HIVEP3: variants seen among roughly 807,000 people sequenced by gnomAD.
HIVEP3 encodes the protein HIVEP zinc finger 3.
A neutral mutation model predicts 152.8 loss-of-function variants in HIVEP3; 49 were observed. The observed-to-expected ratio is 0.32, with a 90% CI of 0.26 to 0.41. HIVEP3 has a LOEUF of 0.41. Ranked by LOEUF, HIVEP3 falls within the 10% of genes least tolerant of loss-of-function variation. HIVEP3 has a pLI of 1.00. For missense variants in HIVEP3, 2,790 were observed against 3,103.3 expected (o/e 0.90, Z 2.40); for synonymous variants, 1,269 against 1,289.0 (o/e 0.98, Z 0.33).
At position 41,513,072 on chromosome 1, in the gene HIVEP3, T is replaced by G. The variant is rs1307682049; in HGVS notation, c.6149A>C (p.His2050Pro). ...GGTACCCTCGAGTTTGGAGAGCACA[T>G]GTGCTCGAGGGGCCAGTTCTCTTCC... ...PLGRELAPRA[H>P]VLSKLEGTTD... is the part of the protein sequence containing the mutation. Residue 2050 changes from histidine (H) to proline (P), a missense_variant, in exon 8 of 9, where the codon CAT (histidine) becomes CCT (proline). His to Pro is a moderately conservative substitution (Grantham distance 77). Around this residue, in one of 9 missense-constraint regions of HIVEP3, gnomAD observed 816 missense variants for 806.5 expected, o/e 1.01. Coordinates refer to ENST00000372583, the MANE Select transcript of HIVEP3 (RefSeq NM_024503.5). 1 of 1,613,832 alleles carries G rather than the reference T, an allele frequency of 6.2e-7. No individual in the cohort carries two copies. The highest frequency in any genetic ancestry group is 8.5e-7 in the Non-Finnish European group (1 of 1,179,992).
intron 1 of HIVEP3, among the ~76,000 whole-genome samples, chr1:41,976,843 G>A (rs1334479100): frequency 2.0e-5 from 3 of 152,164 alleles, no homozygotes; most frequent in South Asian, 2.1e-4. Context: ...CGAGGAATCC[G>A]CAGAAGCTGG....
intron 1 of HIVEP3, among the ~76,000 whole-genome samples, chr1:41,773,911 T>C (rs2124270308): frequency 6.6e-6 from 1 of 152,340 alleles, no homozygotes; most frequent in Non-Finnish European, 1.5e-5. Flanking sequence ...AGGACAAGTC[T>C]TTGTGAATGA....
At chr1:41,529,777 T>A (rs1643184245) in intron 5 of HIVEP3, among the ~76,000 whole-genome samples, 2 of 132,384 alleles carry the variant, frequency 1.5e-5, no homozygotes, top group South Asian at 2.6e-4. Flanking sequence ...CACTTCCACA[T>A]CCCCACACAC....
At chr1:41,953,633 G>A (rs975922572) in intron 1 of HIVEP3, among the ~76,000 whole-genome samples, 1 of 152,244 alleles carries the variant, frequency 6.6e-6, no homozygotes, top group South Asian at 2.1e-4. Context: ...AAATGTCTGA[G>A]AAATGAATGA....
At chr1:41,890,144 TA>T (rs2124439850) in intron 1 of HIVEP3, among the ~76,000 whole-genome samples, 1 of 152,330 alleles carries the variant, frequency 6.6e-6, no homozygotes, top group East Asian at 1.9e-4. Flanking sequence ...TGATAGTCCC[TA>T]CCTCATGGGT....
intron 1 of HIVEP3, among the ~76,000 whole-genome samples, chr1:41,984,774 A>G (rs1645312418): frequency 6.6e-6 from 1 of 152,212 alleles, no homozygotes; most frequent in Admixed American, 6.5e-5. Flanking sequence ...GGTAACTCTG[A>G]GACATCATTT....
intron 1 of HIVEP3, among the ~76,000 whole-genome samples, chr1:41,762,326 G>A (rs1647744208): frequency 6.6e-6 from 1 of 152,178 alleles, no homozygotes; most frequent in Non-Finnish European, 1.5e-5. Context: ...TGTGGGACAA[G>A]AACTTGGGAC....
chr1:41,969,143 T>C (rs541433394), intron 1 of HIVEP3, among the ~76,000 whole-genome samples: 2 of 152,260 alleles, frequency 1.3e-5, no homozygotes, highest in East Asian at 1.9e-4. Context: ...CCCAAAGTAA[T>C]TTACAGATTC....
At chr1:41,857,586 A>G (rs1345088514) in intron 1 of HIVEP3, among the ~76,000 whole-genome samples, 2 of 152,210 alleles carry the variant, frequency 1.3e-5, no homozygotes, top group Non-Finnish European at 2.9e-5. Context: ...TTTTCTCCTT[A>G]AACAGAGGAA....
rs1199313999 is a variant in HIVEP3, at chr1:41,581,258, T to C, written c.3540A>G (p.Pro1180=). 4 of 1,591,154 alleles carry C rather than the reference T, an allele frequency of 2.5e-6. No individual in the cohort carries two copies. The highest frequency in any genetic ancestry group is 1.1e-5 in the South Asian group (1 of 87,124). Residue 1180 remains proline, a synonymous_variant, in exon 4 of 9, where the codon CCA becomes CCG. Coordinates refer to ENST00000372583, the MANE Select transcript of HIVEP3 (RefSeq NM_024503.5). This position sits in a 1 kb window ranked among gnomAD's most constrained non-coding sequence, Gnocchi z 4.5. The part of the protein sequence containing the change: ...SLLSSPYSMP[P]LPPSLFQAPP... The stretch of plus-strand genomic sequence containing the variant: ...GGGCTTGAAATAAGGAGGGAGGAAG[T>C]GGGGGCATGGAGTATGGTGAGGACA...
rs867633419 is a variant in HIVEP3 at position 41,867,391 on chromosome 1, A to G, written c.-801+51022T>C. 2.6e-5 allele frequency among the ~76,000 whole-genome samples: 4 copies of G among 152,180 alleles called. No homozygotes were observed. The South Asian group carries it at 6.2e-4, about 24-fold the overall frequency. On this transcript the variant is annotated intron_variant, in intron 1 of 8. Transcript: ENST00000372583. Reference sequence around the variant, plus strand: ...CATCCTTAGTTTGAGGTGCCATATAAAAACAGGCGGCAGGCAAATTTGGCT... The same window carrying G: ...CATCCTTAGTTTGAGGTGCCATATAGAAACAGGCGGCAGGCAAATTTGGCT...
intron 3 of HIVEP3, among the ~76,000 whole-genome samples, chr1:41,616,861 T>A (rs146063709): frequency 6.6e-6 from 1 of 152,238 alleles, no homozygotes; most frequent in African/African-American, 2.4e-5. Flanking sequence ...TGAGCAGTTA[T>A]CCTGTACCAG....
At chr1:41,561,114 C>A (rs568979538) in intron 5 of HIVEP3, among the ~76,000 whole-genome samples, 2 of 152,182 alleles carry the variant, frequency 1.3e-5, no homozygotes, top group African/African-American at 4.8e-5. Context: ...GTTTCCAGAG[C>A]TGGAAAGACC....
In HIVEP3 at chr1:41,544,877, T is replaced by TATC. The variant is rs1329869216; in HGVS notation, c.5208-19968_5208-19967insGAT. ...CCACCACCACCACCACCACCACCAC[T>TATC]ACCACCTCTACCACCACCATCACCA... On this transcript the variant is annotated intron_variant, in intron 5 of 8. Coordinates refer to ENST00000372583, the MANE Select transcript of HIVEP3 (RefSeq NM_024503.5). Among the ~76,000 whole-genome samples, 2 of 4,034 alleles carry TATC rather than the reference T, an allele frequency of 5.0e-4. 1 individual carries two copies. Among genetic ancestry groups the TATC allele is most frequent in the African/African-American group, 3.9e-3 (2 of 512 alleles). 2.6% of individuals were successfully genotyped at this position (4,034 alleles called of 152,430 possible). A position where few individuals can be genotyped will look rare whatever the true frequency, so the allele number is the denominator to read the frequency against.
At chr1:41,623,795 C>A (rs1158822722) in intron 3 of HIVEP3, among the ~76,000 whole-genome samples, 1 of 152,242 alleles carries the variant, frequency 6.6e-6, no homozygotes. Context: ...CTGTGCCAGC[C>A]CTGGTTTGGC....
chr1:41,718,343 G>A (rs571710075), intron 1 of HIVEP3, among the ~76,000 whole-genome samples: 1 of 152,342 alleles, frequency 6.6e-6, no homozygotes, highest in Admixed American at 6.5e-5. Flanking sequence ...CTATGTCGTG[G>A]AATCTTTCTA....
intron 5 of HIVEP3, among the ~76,000 whole-genome samples, chr1:41,538,708 C>T (rs607586): frequency 0.27 from 41,465 of 152,064 alleles, 7,098 homozygotes; most frequent in Non-Finnish European, 0.39. Context: ...GGCACCAAGC[C>T]TGGGCTGAAG....
At chr1:41,802,278 C>T (rs1223148302) in intron 1 of HIVEP3, among the ~76,000 whole-genome samples, 1 of 152,156 alleles carries the variant, frequency 6.6e-6, no homozygotes, top group Non-Finnish European at 1.5e-5. Flanking sequence ...TGCAGTGGCG[C>T]CATCTCAGCT....
chr1:41,911,724 A>C (rs1042371953), intron 1 of HIVEP3, among the ~76,000 whole-genome samples: 1 of 152,196 alleles, frequency 6.6e-6, no homozygotes, highest in Admixed American at 6.5e-5. Context: ...AAAATGAAAA[A>C]ATTTCAGCTA....
Sources: allele counts gnomAD v4.1 joint callset (sites outside exome capture counted in the v4.1 genomes callset), GRCh38; gene constraint gnomAD v4.1.1; regional missense constraint gnomAD v4.1.1; non-coding constraint Gnocchi (gnomAD v3.1); transcripts MANE v1.5; gene names NCBI Gene and HGNC (gene_info 2026-07-23, HGNC 2026-07-21).